Variants in STXBP5 observed in about 807,000 individuals in gnomAD.
STXBP5 encodes syntaxin-binding protein 5.
STXBP5 carries 50 observed loss-of-function variants against 152.4 expected under a neutral mutation model. That is an observed-to-expected ratio of 0.33 (90% CI 0.26 to 0.42). The LOEUF (loss-of-function observed/expected upper bound fraction) is 0.42. STXBP5 is among the 10% of genes least tolerant of loss of function. The pLI, the probability that STXBP5 is intolerant of heterozygous loss-of-function variation, is 1.00. For synonymous variants in STXBP5, 492 were observed against 494.7 expected, an observed-to-expected ratio of 0.99 and a Z score of 0.07; for missense variants, 1,167 against 1,388.6, an observed-to-expected ratio of 0.84 and a Z score of 2.54.
At chr6:147,382,436 G>GT (rs1247636844) in intron 26 of STXBP5, among the ~76,000 whole-genome samples, 2 of 151,876 alleles carry the variant, frequency 1.3e-5, no homozygotes, top group Non-Finnish European at 2.9e-5. Context: ...AATATCTTTC[G>GT]TTTTTTGCAC....
At chr6:147,366,448 T>TTA (rs1241862435) in intron 25 of STXBP5, among the ~76,000 whole-genome samples, 1 of 152,184 alleles carries the variant, frequency 6.6e-6, no homozygotes, top group African/African-American at 2.4e-5. Context: ...ACAATCAGTT[T>TTA]TACTGAGGCA....
At chr6:147,332,151 G>C (rs551783104) in intron 18 of STXBP5, among the ~76,000 whole-genome samples, 1 of 152,238 alleles carries the variant, frequency 6.6e-6, no homozygotes, top group African/African-American at 2.4e-5. Flanking sequence ...AGAGGGGATG[G>C]ATTAAGTTAC....
At chr6:147,364,642 CTA>C (rs1785212224) in intron 25 of STXBP5, among the ~76,000 whole-genome samples, 1 of 152,114 alleles carries the variant, frequency 6.6e-6, no homozygotes, top group Non-Finnish European at 1.5e-5. Flanking sequence ...TTTTGAGAGA[CTA>C]TATACAAATT....
chr6:147,378,292 A>T (rs1398000800), intron 26 of STXBP5, among the ~76,000 whole-genome samples: 3 of 152,020 alleles, frequency 2.0e-5, no homozygotes. Flanking sequence ...CAAGACAAAT[A>T]TCATTTATAG....
At chr6:147,373,010 A>T (rs910885564) in intron 25 of STXBP5, among the ~76,000 whole-genome samples, 10 of 152,200 alleles carry the variant, frequency 6.6e-5, no homozygotes, top group Non-Finnish European at 1.2e-4. Context: ...ACTCAGCTAA[A>T]AGTTATAATT....
intron 25 of STXBP5, among the ~76,000 whole-genome samples, chr6:147,365,683 A>G (rs1440469445): frequency 1.3e-5 from 2 of 152,230 alleles, no homozygotes; most frequent in African/African-American, 4.8e-5. Flanking sequence ...TCTTTGGGCA[A>G]TATTGACATG....
In STXBP5 at chr6:147,260,216, A is replaced by C. The variant is rs368822288; in HGVS notation, c.432-399A>C. Among the ~76,000 whole-genome samples the C allele has an allele frequency of 5.9e-5, 9 of 152,306 alleles. No homozygotes were observed. The South Asian group carries it at 1.0e-3, about 18-fold the overall frequency. ...ATTTTGCCTGGAAGGAGTAGTAACC[A>C]CAGGTACTGAGATGGATTAATGTGC... On this transcript the variant is annotated intron_variant, in intron 4 of 27. Transcript: ENST00000321680.
chr6:147,325,085 G>C lies in STXBP5; in HGVS notation c.1928+1G>C. 1 of 1,512,052 alleles carries C rather than the reference G, an allele frequency of 6.6e-7. No individual in the cohort carries two copies. Among genetic ancestry groups the C allele is most frequent in the Non-Finnish European group, 8.9e-7 (1 of 1,125,620 alleles). 93.7% of individuals were successfully genotyped at this position (1,512,052 alleles called of 1,614,324 possible). ...TGGCAGTCAATTCTTCCTATGGACT[G>C]TAAGTATAAGTTACGTTTTTTTCTA... On this transcript the variant is annotated splice_donor_variant, in intron 17 of 27. Transcript: ENST00000321680. LOFTEE classifies it high-confidence loss of function.
chr6:147,328,132 A>C (rs1257614410), intron 18 of STXBP5, among the ~76,000 whole-genome samples: 1 of 152,228 alleles, frequency 6.6e-6, no homozygotes, highest in Non-Finnish European at 1.5e-5. Flanking sequence ...CTCAAGGTAC[A>C]CATGTATACT....
chr6:147,245,016 G>A (rs1778742476), intron 4 of STXBP5, among the ~76,000 whole-genome samples: 1 of 141,920 alleles, frequency 7.0e-6, no homozygotes, highest in Non-Finnish European at 1.5e-5. Context: ...TTTTTTAGAG[G>A]GAATCTTGGT....
intron 16 of STXBP5, among the ~76,000 whole-genome samples, chr6:147,317,268 C>T (rs902076269): frequency 6.6e-6 from 1 of 152,106 alleles, no homozygotes; most frequent in East Asian, 1.9e-4. Flanking sequence ...TAAATAATTT[C>T]TGGGAAGAAT....
At chr6:147,211,555 G>C (rs1039789341) in intron 2 of STXBP5, among the ~76,000 whole-genome samples, 1 of 152,022 alleles carries the variant, frequency 6.6e-6, no homozygotes, top group African/African-American at 2.4e-5. Flanking sequence ...ATAATTAAAA[G>C]TAAAATAATT....
chr6:147,379,430 A>G (rs1016699099), intron 26 of STXBP5, among the ~76,000 whole-genome samples: 2 of 152,184 alleles, frequency 1.3e-5, no homozygotes, highest in Non-Finnish European at 2.9e-5. Context: ...ATTCAAACAA[A>G]TTGATGAGTA....
At chr6:147,311,399 A>C (rs770542045) in intron 10 of STXBP5, 56 bp from the exon 11 acceptor site, 1 of 1,378,142 alleles carries the variant, frequency 7.3e-7, no homozygotes, top group Non-Finnish European at 1.0e-6. Context: ...ACATTTATCT[A>C]ATTTGCTGTC....
intron 19 of STXBP5, 137 bp from the exon 20 acceptor site, chr6:147,339,042 G>T: frequency 1.5e-6 from 1 of 681,150 alleles, no homozygotes; most frequent in Non-Finnish European, 2.5e-6. Context: ...ACTTATACAT[G>T]GCCTCTTCTT....
intron 6 of STXBP5, among the ~76,000 whole-genome samples, chr6:147,264,562 T>A (rs1269476612): frequency 1.3e-5 from 2 of 152,144 alleles, no homozygotes; most frequent in Non-Finnish European, 1.5e-5. Flanking sequence ...CTAAGCTTTC[T>A]TTCTAGATAC....
At chr6:147,308,544 C>A (rs1456927208) in intron 9 of STXBP5, among the ~76,000 whole-genome samples, 1 of 152,020 alleles carries the variant, frequency 6.6e-6, no homozygotes, top group African/African-American at 2.4e-5. Context: ...ATGAACAAAT[C>A]ACACAAAACC....
intron 16 of STXBP5, among the ~76,000 whole-genome samples, chr6:147,319,828 CTTTTTTTTTT>C (rs55948948): frequency 2.8e-5 from 2 of 71,598 alleles, no homozygotes; most frequent in Admixed American, 2.0e-4. Context: ...TATCTGGATT[CTTTTTTTTTT>C]TTTTTTTTTT....
chr6:147,315,824 G>A, intron 15 of STXBP5, 89 bp downstream of exon 15: 1 of 1,217,062 alleles, frequency 8.2e-7, no homozygotes, highest in Non-Finnish European at 1.2e-6. Flanking sequence ...TTTGCAGTCA[G>A]TTTTGTGCAG....
Sources: allele counts gnomAD v4.1 joint callset (sites outside exome capture counted in the v4.1 genomes callset), GRCh38; gene constraint gnomAD v4.1.1; transcripts MANE v1.5; gene names NCBI Gene and HGNC (gene_info 2026-07-23, HGNC 2026-07-21).